Variants in PCDH7 observed in about 807,000 individuals in gnomAD.
PCDH7 encodes protocadherin-7.
PCDH7 carries 17 observed loss-of-function variants against 58.9 expected under a neutral mutation model. That is an observed-to-expected ratio of 0.29 (90% confidence interval 0.20 to 0.43). PCDH7 has a LOEUF of 0.43. PCDH7 is among the 20% of genes least tolerant of loss of function. The pLI is 1.00. For synonymous variants in PCDH7, 664 were observed against 616.4 expected, an observed-to-expected ratio of 1.08 and a Z score of -1.14; for missense variants, 1,274 against 1,441.0, an observed-to-expected ratio of 0.88 and a Z score of 1.88.
At chr4:31,128,180 A>G (rs1476988946) in intron 3 of PCDH7, among the ~76,000 whole-genome samples, 1 of 151,974 alleles carries the variant, frequency 6.6e-6, no homozygotes, top group Non-Finnish European at 1.5e-5. Context: ...CACATATAAA[A>G]GTCTGAAACA....
At chr4:31,067,733 T>TA (rs574627840) in intron 3 of PCDH7, among the ~76,000 whole-genome samples, 1 of 152,008 alleles carries the variant, frequency 6.6e-6, no homozygotes, top group African/African-American at 2.4e-5. Flanking sequence ...GCCCCTTTTC[T>TA]AAAAAATTCA....
chr4:30,995,260 G>T (rs1751786949), intron 3 of PCDH7, among the ~76,000 whole-genome samples: 2 of 152,158 alleles, frequency 1.3e-5, no homozygotes, highest in Non-Finnish European at 2.9e-5. Flanking sequence ...GCTCATGCCT[G>T]TAATCCCAGC....
chr4:30,933,690 T>C (rs1387627062), intron 2 of PCDH7, among the ~76,000 whole-genome samples: 2 of 152,358 alleles, frequency 1.3e-5, no homozygotes, highest in Non-Finnish European at 1.5e-5. Flanking sequence ...ATCAATTTTT[T>C]AGTTGTTTAC....
downstream of PCDH7, among the ~76,000 whole-genome samples, chr4:30,736,371 A>T (rs535210580): frequency 1.3e-5 from 2 of 152,292 alleles, no homozygotes; most frequent in South Asian, 2.1e-4. Context: ...TAGCAAAACA[A>T]TAAAGATTAA....
At chr4:30,754,235 C>T (rs1718981816) in intron 1 of PCDH7, among the ~76,000 whole-genome samples, 1 of 151,574 alleles carries the variant, frequency 6.6e-6, no homozygotes, top group Admixed American at 6.6e-5. Context: ...TACTATTAGC[C>T]TCCACCATGA....
rs896941786 is a variant in PCDH7, at chr4:31,093,592, C to CCA, written c.*8-48866_*8-48865dup. ...TAAAGTGCAAGGTGCAGTGAATTTTCCACACACACACACACATTACTTGAA... is the reference window on the plus strand; with the variant it reads ...TAAAGTGCAAGGTGCAGTGAATTTTCCACACACACACACACACATTACTTGAA... On this transcript the variant is annotated intron_variant, in intron 3 of 3. Transcript: ENST00000509759. 1.0e-3 allele frequency among the ~76,000 whole-genome samples: 94 copies of CCA among 90,562 alleles called. 1 individual carries two copies. In the East Asian group the frequency reaches 0.048, roughly 46 times the overall value. 59.4% of individuals were successfully genotyped at this position (90,562 alleles called of 152,430 possible).
chr4:30,738,496 A>G (rs912004740), intron 1 of PCDH7, among the ~76,000 whole-genome samples: 2 of 152,158 alleles, frequency 1.3e-5, no homozygotes, highest in African/African-American at 4.8e-5. Flanking sequence ...TGTTTAGCTT[A>G]CTATATCTAA....
chr4:31,054,392 C>T (rs956043805), intron 3 of PCDH7, among the ~76,000 whole-genome samples: 5 of 152,158 alleles, frequency 3.3e-5, no homozygotes, highest in African/African-American at 4.8e-5. Context: ...CAAGTTAGTA[C>T]GTCCCAAAAG....
chr4:30,899,286 C>T (rs34317883), intron 1 of PCDH7, among the ~76,000 whole-genome samples: 29,696 of 152,064 alleles, frequency 0.2, 3,628 homozygotes, highest in East Asian at 0.28. Flanking sequence ...ATGAGAGGCC[C>T]GTAAGGTATT....
intron 1 of PCDH7, among the ~76,000 whole-genome samples, chr4:30,780,447 C>T (rs1357891315): frequency 1.3e-5 from 2 of 150,380 alleles, no homozygotes; most frequent in African/African-American, 4.9e-5. Context: ...ACAGAAGTTG[C>T]AGTTAGCTGA....
chr4:30,954,302 A>G (rs1446877297), intron 3 of PCDH7, among the ~76,000 whole-genome samples: 1 of 152,120 alleles, frequency 6.6e-6, no homozygotes, highest in Non-Finnish European at 1.5e-5. Context: ...TCCATTTTCA[A>G]ATGTGCTTCA....
At chr4:30,725,708 T>C (rs1035700384) in intron 1 of PCDH7, among the ~76,000 whole-genome samples, 3 of 152,260 alleles carry the variant, frequency 2.0e-5, no homozygotes, top group Admixed American at 2.0e-4. Context: ...AACACAGTTA[T>C]GATTGTCAAT....
chr4:30,835,267 G>A (rs1206842990), intron 1 of PCDH7, among the ~76,000 whole-genome samples: 1 of 152,026 alleles, frequency 6.6e-6, no homozygotes, highest in Admixed American at 6.6e-5. Context: ...TTAGTAACCG[G>A]GCCACACAGC....
chr4:31,092,028 A>T (rs965431296), intron 3 of PCDH7, among the ~76,000 whole-genome samples: 1 of 151,920 alleles, frequency 6.6e-6, no homozygotes, highest in Non-Finnish European at 1.5e-5. Context: ...TCCCCCACGC[A>T]CGTGTTTAGA....
At chr4:30,944,218 A>G (rs1256347092) in intron 2 of PCDH7, among the ~76,000 whole-genome samples, 2 of 152,120 alleles carry the variant, frequency 1.3e-5, no homozygotes, top group Non-Finnish European at 2.9e-5. Context: ...AGCGGATAGG[A>G]TAATCCAGAT....
intron 3 of PCDH7, among the ~76,000 whole-genome samples, chr4:31,004,672 C>T (rs908968589): frequency 2.0e-5 from 3 of 152,062 alleles, no homozygotes; most frequent in African/African-American, 4.8e-5. Flanking sequence ...GGCAACAGAG[C>T]GAAACTCTCA....
At chr4:30,925,389 T>C (rs958665330) in intron 2 of PCDH7, among the ~76,000 whole-genome samples, 11 of 152,198 alleles carry the variant, frequency 7.2e-5, no homozygotes, top group Non-Finnish European at 1.2e-4. Context: ...TGTCTAGTTA[T>C]TGGTTTGTGC....
intron 1 of PCDH7, among the ~76,000 whole-genome samples, chr4:30,792,656 G>A (rs1724278409): frequency 6.6e-6 from 1 of 152,102 alleles, no homozygotes; most frequent in African/African-American, 2.4e-5. Context: ...ATCAGGTACA[G>A]CTCAGTCTGT....
chr4:31,122,443 C>T (rs1717804339), intron 3 of PCDH7, among the ~76,000 whole-genome samples: 1 of 152,054 alleles, frequency 6.6e-6, no homozygotes, highest in Admixed American at 6.5e-5. Context: ...CCTTTTAATT[C>T]TCTTGCTTTT....
Sources: allele counts gnomAD v4.1 joint callset (sites outside exome capture counted in the v4.1 genomes callset), GRCh38; gene constraint gnomAD v4.1.1; transcripts MANE v1.5; gene names NCBI Gene and HGNC (gene_info 2026-07-23, HGNC 2026-07-21).